Variants in VPS13D observed in about 807,000 individuals in gnomAD.
The protein encoded by VPS13D is intermembrane lipid transfer protein VPS13D.
A neutral mutation model predicts 461.9 loss-of-function variants in VPS13D; 187 were observed. The observed-to-expected ratio is 0.40, with a 90% CI of 0.36 to 0.46. The LOEUF (loss-of-function observed/expected upper bound fraction) is 0.46. VPS13D is among the 20% of genes least tolerant of loss of function. The pLI is 0.60. For synonymous variants in VPS13D, 1,951 were observed against 1,986.3 expected, an observed-to-expected ratio of 0.98 and a Z score of 0.47; for missense variants, 4,711 against 5,364.9, an observed-to-expected ratio of 0.88 and a Z score of 3.81.
At chr1:12,294,581 G>T (rs528829148) in intron 24 of VPS13D, among the ~76,000 whole-genome samples, 1 of 152,196 alleles carries the variant, frequency 6.6e-6, no homozygotes, top group East Asian at 1.9e-4. Flanking sequence ...TTGGGAGGCC[G>T]AGGCGGGCAG....
chr1:12,497,713 T>A, intron 68 of VPS13D, 82 bp downstream of exon 68: 1 of 1,489,850 alleles, frequency 6.7e-7, no homozygotes, highest in Non-Finnish European at 9.0e-7. Context: ...CCATCTGATC[T>A]GAGTTATTTT....
At chr1:12,293,481 T>G in intron 23 of VPS13D, 43 bp from the exon 24 acceptor site, 1 of 1,521,622 alleles carries the variant, frequency 6.6e-7, no homozygotes, top group Non-Finnish European at 8.9e-7. Context: ...TACTAACTTG[T>G]GTCTTGCTGT....
At chr1:12,398,697 G>A (rs181039227) in intron 60 of VPS13D, among the ~76,000 whole-genome samples, 1 of 152,304 alleles carries the variant, frequency 6.6e-6, no homozygotes, top group East Asian at 1.9e-4. Flanking sequence ...GATCAGGGCT[G>A]TGTAAATAGA....
At chr1:12,332,602 A>C (rs1018397998) in intron 37 of VPS13D, among the ~76,000 whole-genome samples, 2 of 152,218 alleles carry the variant, frequency 1.3e-5, no homozygotes. Flanking sequence ...ATTCAAGTGA[A>C]TGGTCACCTG....
Position 12,502,944 on chromosome 1 carries a change from G to C in VPS13D, c.12795-3909G>C, listed in dbSNP as rs952121024. Among the ~76,000 whole-genome samples, 1 of 152,144 alleles carries C rather than the reference G, an allele frequency of 6.6e-6. No individual in the cohort carries two copies. The highest frequency in any genetic ancestry group is 1.5e-5 in the Non-Finnish European group (1 of 68,026). On this transcript the variant is annotated intron_variant, in intron 68 of 69. Transcript: ENST00000620676. The surrounding 1 kb of genome is among the most constrained non-coding windows in gnomAD (Gnocchi z 4.3). Reference sequence around the variant, plus strand: ...TGGCCCTGCAGAGTAGACCCATGGGGTTCTACACATCAGGATGGGGAAGCT... The same window carrying C: ...TGGCCCTGCAGAGTAGACCCATGGGCTTCTACACATCAGGATGGGGAAGCT...
intron 7 of VPS13D, among the ~76,000 whole-genome samples, chr1:12,254,992 C>G (rs1640869159): frequency 6.6e-6 from 1 of 151,744 alleles, no homozygotes; most frequent in Non-Finnish European, 1.5e-5. Context: ...GTTGCCCGGG[C>G]TGGAGTGCAG....
In VPS13D at chr1:12,334,227, G is replaced by C. The variant is rs1643397623; in HGVS notation, c.8428+861G>C. ...TTTAAAACCACTGTTTATATGATCA[G>C]ATTTCATCCACTAATTTGCCTAGTT... On this transcript the variant is annotated intron_variant, in intron 38 of 69. Coordinates refer to ENST00000620676, the MANE Select transcript of VPS13D (RefSeq NM_015378.4). Among the ~76,000 whole-genome samples the C allele has an allele frequency of 2.0e-5, 3 of 152,254 alleles. No homozygotes were observed. The South Asian group carries it at 6.2e-4, about 32-fold the overall frequency.
chr1:12,292,679 T>C (rs562754655), intron 23 of VPS13D, among the ~76,000 whole-genome samples: 1 of 152,228 alleles, frequency 6.6e-6, no homozygotes, highest in African/African-American at 2.4e-5. Flanking sequence ...ACTCAGGCAG[T>C]CTACCGGCCT....
At chr1:12,421,078 T>C (rs990268963) in intron 65 of VPS13D, among the ~76,000 whole-genome samples, 1 of 152,248 alleles carries the variant, frequency 6.6e-6, no homozygotes, top group African/African-American at 2.4e-5. Context: ...CAAGGAAATA[T>C]AAGTAGGAAA....
rs376313827 is a variant in VPS13D, at chr1:12,267,813, C to T, written c.1726-32C>T. 6.9e-5 allele frequency: 110 copies of T among 1,605,254 alleles called. 1 individual carries two copies. In the Middle Eastern group the frequency reaches 9.9e-4, roughly 14 times the overall value. ...AGTGAATTGTCCCCTCTCACGCTGACGTTTACGCATTTTTGTGTGTTTGTT... is the reference window on the plus strand; with the variant it reads ...AGTGAATTGTCCCCTCTCACGCTGATGTTTACGCATTTTTGTGTGTTTGTT... On this transcript the variant is annotated intron_variant, in intron 14 of 69. Transcript: ENST00000620676.
Position 12,277,825 on chromosome 1 carries a change from G to A in VPS13D, c.4237G>A (p.Gly1413Arg), listed in dbSNP as rs570497019. The A allele has an allele frequency of 6.2e-7, 1 of 1,614,098 alleles. No homozygotes were observed. The change falls in exon 19 of 70, where the codon GGA becomes AGA. Residue 1413 changes from glycine to arginine, a missense_variant. Gly to Arg is a moderately radical substitution (Grantham distance 125, BLOSUM62 -2). This residue lies in a region of VPS13D where 4,411 missense variants were observed against 4,937.8 expected (regional missense o/e 0.89). Coordinates refer to ENST00000620676, the MANE Select transcript of VPS13D (RefSeq NM_015378.4). ...GQIFIQNFVA[G>R]DDESRSDRLQ... ...GATATTCATCCAGAATTTTGTGGCGGGAGATGATGAATCCAGAAGTGACCG... is the reference window on the plus strand; with the variant it reads ...GATATTCATCCAGAATTTTGTGGCGAGAGATGATGAATCCAGAAGTGACCG...
chr1:12,245,550 A>G (rs916973482), intron 5 of VPS13D, among the ~76,000 whole-genome samples: 2 of 152,122 alleles, frequency 1.3e-5, no homozygotes, highest in African/African-American at 4.8e-5. Flanking sequence ...GAACATTTTT[A>G]TCATCCCAAC....
intron 67 of VPS13D, among the ~76,000 whole-genome samples, chr1:12,484,817 T>C (rs1309041947): frequency 2.0e-5 from 3 of 152,332 alleles, no homozygotes; most frequent in African/African-American, 7.2e-5. Flanking sequence ...ATGCTCCTTT[T>C]TGTTGAATCC....
At chr1:12,329,358 C>A in intron 36 of VPS13D, among the ~76,000 whole-genome samples, 1 of 152,088 alleles carries the variant, frequency 6.6e-6, no homozygotes, top group East Asian at 1.9e-4. Context: ...GGATTACAGG[C>A]GCCCGCTACC....
chr1:12,484,635 C>T (rs1478236571), intron 67 of VPS13D, among the ~76,000 whole-genome samples: 1 of 152,204 alleles, frequency 6.6e-6, no homozygotes, highest in African/African-American at 2.4e-5. Flanking sequence ...GTCCAGTACA[C>T]ATTCAGCACT....
intron 65 of VPS13D, among the ~76,000 whole-genome samples, chr1:12,433,949 A>AGTGTGTGT (rs563130284): frequency 1.4e-5 from 2 of 144,928 alleles, no homozygotes; most frequent in Non-Finnish European, 3.0e-5. Flanking sequence ...AGAGAGAGAG[A>AGTGTGTGT]GTGTGTGTGT....
intron 67 of VPS13D, among the ~76,000 whole-genome samples, chr1:12,463,991 A>G (rs1645446795): frequency 1.3e-5 from 2 of 152,222 alleles, no homozygotes; most frequent in Non-Finnish European, 2.9e-5. Flanking sequence ...GCTGGGTGAT[A>G]TTATTTTAAA....
Position 12,261,065 on chromosome 1 carries a change from T to A in VPS13D, c.1330T>A (p.Tyr444Asn). 1 of 1,614,102 alleles carries A rather than the reference T, an allele frequency of 6.2e-7. No individual in the cohort carries two copies. Among genetic ancestry groups the A allele is most frequent in the Non-Finnish European group, 8.5e-7 (1 of 1,180,010 alleles). ...CTGGTTTCCTGGATGGGGTGGCTGG[T>A]ACGGGCAGCAGACCCCAGAAGGGAA... ...QSWFPGWGGW[Y>N]GQQTPEGNVV... Residue 444 changes from tyrosine to asparagine, a missense_variant, in exon 12 of 70, where the codon TAC becomes AAC. Transcript: ENST00000620676.
intron 6 of VPS13D, among the ~76,000 whole-genome samples, chr1:12,253,405 C>T (rs1052530618): frequency 2.0e-5 from 3 of 152,180 alleles, no homozygotes; most frequent in African/African-American, 7.2e-5. Context: ...TTTCCTCCTA[C>T]CCGACCATTT....
Sources: gnomAD v4.1 joint callset for allele counts (sites outside exome capture counted in the v4.1 genomes callset) on GRCh38, gnomAD v4.1.1 for gene constraint, gnomAD v4.1.1 regional missense constraint, Gnocchi (gnomAD v3.1) non-coding constraint, MANE v1.5 for transcripts, NCBI Gene and HGNC (gene_info 2026-07-23, HGNC 2026-07-21) for gene names.